RUFY3: variants seen among roughly 807,000 people sequenced by gnomAD.
RUFY3 encodes protein RUFY3.
In RUFY3, 34 loss-of-function variants were observed where a neutral mutation model predicts 84.0. The observed-to-expected ratio is 0.40, with a 90% CI of 0.31 to 0.54. The LOEUF (loss-of-function observed/expected upper bound fraction) is 0.54, where lower values mean the gene tolerates loss of function less well. Among genes scored for constraint, RUFY3 ranks in the 20% least tolerant of loss-of-function variants. RUFY3 has a pLI of 0.39. For missense variants in RUFY3, 507 were observed against 736.8 expected, an observed-to-expected ratio of 0.69 and a Z score of 3.61; for synonymous variants, 242 against 252.9, an observed-to-expected ratio of 0.96 and a Z score of 0.41.
At chr4:70,776,268 C>G (rs543192159) in intron 7 of RUFY3, among the ~76,000 whole-genome samples, 1 of 152,238 alleles carries the variant, frequency 6.6e-6, no homozygotes, top group South Asian at 2.1e-4. Context: ...AATAAAACAA[C>G]TTTAACAATA....
chr4:70,704,192 T>G (rs115669101), upstream of RUFY3: 48 of 152,218 alleles, frequency 3.2e-4, no homozygotes, highest in African/African-American at 1.1e-3. Flanking sequence ...ACCAGGGAAT[T>G]AAAGTCAAAG....
At chr4:70,794,306 C>T (rs1578244722) in intron 13 of RUFY3, among the ~76,000 whole-genome samples, 1 of 152,116 alleles carries the variant, frequency 6.6e-6, no homozygotes, top group Admixed American at 6.5e-5. Context: ...TAAGGCTGGG[C>T]GCAGTGGTTC....
At chr4:70,751,341 T>C (rs1009845225) in intron 1 of RUFY3, among the ~76,000 whole-genome samples, 12 of 152,212 alleles carry the variant, frequency 7.9e-5, no homozygotes, top group Non-Finnish European at 1.6e-4. Context: ...TTTTGGAGAA[T>C]TGCCAGACTG....
intron 8 of RUFY3, among the ~76,000 whole-genome samples, chr4:70,782,729 A>G (rs1460284664): frequency 6.6e-6 from 1 of 152,118 alleles, no homozygotes; most frequent in Non-Finnish European, 1.5e-5. Context: ...CCTGGCCAAC[A>G]TGGTGAAACC....
intron 1 of RUFY3, among the ~76,000 whole-genome samples, chr4:70,745,918 C>CA (rs1358043512): frequency 6.6e-6 from 1 of 151,986 alleles, no homozygotes; most frequent in African/African-American, 2.4e-5. Context: ...AAACCCGTCT[C>CA]TACTAAAAAT....
At chr4:70,720,888 CGTGTGTGTGTGTGTGTGTGT>C (rs71210198), upstream of RUFY3, among the ~76,000 whole-genome samples, 9 of 138,468 alleles carry the variant, frequency 6.5e-5, no homozygotes, top group Admixed American at 1.5e-4. Flanking sequence ...AATATAGGGC[CGTGTGTGTGTGTGTGTGTGT>C]GTGTGTGTGT....
At chr4:70,712,470 G>A (rs1366613942) in intron 1 of RUFY3, among the ~76,000 whole-genome samples, 3 of 152,148 alleles carry the variant, frequency 2.0e-5, no homozygotes, top group Non-Finnish European at 4.4e-5. Context: ...GAGGAAAGGT[G>A]GCAAAGAAAG....
chr4:70,781,014 C>G (rs1329826099), intron 8 of RUFY3, among the ~76,000 whole-genome samples: 1 of 150,516 alleles, frequency 6.6e-6, no homozygotes, highest in Non-Finnish European at 1.5e-5. Context: ...CTTGGGACAT[C>G]AAGGTGGGTG....
At chr4:70,770,433 A>G (rs79457122) in intron 5 of RUFY3, among the ~76,000 whole-genome samples, 28 of 152,194 alleles carry the variant, frequency 1.8e-4, no homozygotes, top group Admixed American at 1.7e-3. Context: ...TACAGCTTCT[A>G]TTATTTACAT....
At chr4:70,718,733 T>C (rs1381673687), upstream of RUFY3, among the ~76,000 whole-genome samples, 1 of 152,180 alleles carries the variant, frequency 6.6e-6, no homozygotes, top group African/African-American at 2.4e-5. Context: ...TAAAATCTTT[T>C]TTTTTTTTCT....
intron 8 of RUFY3, 77 bp downstream of exon 8, chr4:70,778,515 TG>T: frequency 1.3e-6 from 1 of 782,188 alleles, no homozygotes. Flanking sequence ...AATGTAACCT[TG>T]GAAAGAAAGA....
At chr4:70,745,234 G>A (rs1242537299) in intron 1 of RUFY3, among the ~76,000 whole-genome samples, 5 of 152,104 alleles carry the variant, frequency 3.3e-5, no homozygotes, top group South Asian at 2.1e-4. Context: ...GTGAGCCACC[G>A]CGCCCGGCCT....
intron 1 of RUFY3, among the ~76,000 whole-genome samples, chr4:70,714,560 A>G (rs1741361696): frequency 6.6e-6 from 1 of 152,206 alleles, no homozygotes; most frequent in East Asian, 1.9e-4. Context: ...TGGGGCATAA[A>G]TATGGTTTGA....
intron 12 of RUFY3, chr4:70,792,382 A>G (rs891735937): frequency 1.0e-6 from 1 of 961,170 alleles, no homozygotes; most frequent in African/African-American, 1.8e-5. Context: ...CTTTATTATT[A>G]TTTAGTACAA....
chr4:70,786,253 G>A (rs901680210), intron 10 of RUFY3, among the ~76,000 whole-genome samples: 2 of 152,130 alleles, frequency 1.3e-5, no homozygotes, highest in Non-Finnish European at 2.9e-5. Flanking sequence ...GAGGAGGCAG[G>A]GGATAGTAAG....
At position 70,802,988 on chromosome 4, in the gene RUFY3, C is replaced by G. The variant is rs200222885; in HGVS notation, c.1650+5C>G. 5.6e-4 allele frequency: 903 copies of G among 1,605,928 alleles called. 1 individual carries two copies. The highest frequency in any genetic ancestry group is 7.5e-4 in the Non-Finnish European group (877 of 1,175,412). ...CCCCACCCTATGGATGAACAGGTAA[C>G]AGAGCCTCCTGTTTCAAAACATCTT... On this transcript the variant is annotated splice_donor_5th_base_variant and intron_variant, in intron 16 of 17. Transcript: ENST00000381006.
chr4:70,709,974 A>G (rs887596656), intron 1 of RUFY3, among the ~76,000 whole-genome samples: 5 of 152,204 alleles, frequency 3.3e-5, no homozygotes, highest in African/African-American at 1.2e-4. Context: ...AAGAATCTTG[A>G]AAAGGACTGG....
chr4:70,746,628 T>G (rs545679376), intron 1 of RUFY3, among the ~76,000 whole-genome samples: 24 of 152,294 alleles, frequency 1.6e-4, no homozygotes, highest in African/African-American at 5.8e-4. Context: ...TTGTTTACTC[T>G]TCAGAACCCT....
chr4:70,756,620 G>A (rs993412092), intron 1 of RUFY3, among the ~76,000 whole-genome samples: 1 of 151,446 alleles, frequency 6.6e-6, no homozygotes, highest in Admixed American at 6.6e-5. Flanking sequence ...CCTTCCTTAC[G>A]TGACTCCTTT....
Sources: allele counts gnomAD v4.1 joint callset (sites outside exome capture counted in the v4.1 genomes callset), GRCh38; gene constraint gnomAD v4.1.1; transcripts MANE v1.5; gene names NCBI Gene and HGNC (gene_info 2026-07-23, HGNC 2026-07-21).